PRKDC: variants seen among roughly 807,000 people sequenced by gnomAD.
The protein encoded by PRKDC is protein kinase, DNA-activated, catalytic subunit, also known as DNA-dependent protein kinase catalytic subunit.
PRKDC carries 82 observed loss-of-function variants against 486.9 expected under a neutral mutation model. The observed-to-expected ratio is 0.17, with a 90% CI of 0.14 to 0.20. The LOEUF is 0.20. Among genes scored for constraint, PRKDC ranks in the 10% least tolerant of loss-of-function variants. PRKDC has a pLI of 1.00. For missense variants in PRKDC, 4,504 were observed against 5,038.2 expected (o/e 0.89, Z 3.21); for synonymous variants, 1,895 against 1,837.0 (o/e 1.03, Z -0.81).
Position 47,800,804 on chromosome 8 carries a change from C to T in PRKDC, c.10105G>A (p.Asp3369Asn), listed in dbSNP as rs2087091066. ...ILELSGSSSE[D>N]SEKVIAGLYQ... ...TCCTCCAGTATTACCTTCTCTGAATCCTCTGAACTGGATCCAGAAAGCTCT... is the reference window on the plus strand; with the variant it reads ...TCCTCCAGTATTACCTTCTCTGAATTCTCTGAACTGGATCCAGAAAGCTCT... The change falls in exon 71 of 86, where the codon GAT (aspartate) becomes AAT (asparagine). Residue 3369 changes from aspartate to asparagine, a missense_variant. This residue lies in a region of PRKDC where 1,592 missense variants were observed against 1,724.6 expected (regional missense o/e 0.92). Coordinates refer to ENST00000314191, the MANE Select transcript of PRKDC (RefSeq NM_006904.7). 1.9e-6 allele frequency: 3 copies of T among 1,608,918 alleles called. No individual in the cohort carries two copies. Among genetic ancestry groups the T allele is most frequent in the Non-Finnish European group, 8.5e-7 (1 of 1,177,536 alleles).
rs185610094 is a variant in PRKDC at position 47,805,740 on chromosome 8, T to C, written c.9747+1397A>G. ...TTCAAAAGACATTTTCATCAGACTT[T>C]GGTCTTCCTAATTACTGCCATTTCA... On this transcript the variant is annotated intron_variant, in intron 69 of 85. Coordinates refer to ENST00000314191, the MANE Select transcript of PRKDC (RefSeq NM_006904.7). Among the ~76,000 whole-genome samples, 51 of 152,334 alleles carry C rather than the reference T, an allele frequency of 3.3e-4. No individual in the cohort carries two copies. The East Asian group carries it at 9.5e-3, about 28-fold the overall frequency.
intron 66 of PRKDC, among the ~76,000 whole-genome samples, chr8:47,820,268 C>T (rs1345681496): frequency 6.6e-6 from 1 of 151,806 alleles, no homozygotes; most frequent in Non-Finnish European, 1.5e-5. Flanking sequence ...CTAAAATTAG[C>T]CGAGGGCCTG....
chr8:47,918,649 C>A (rs930855585), intron 21 of PRKDC, among the ~76,000 whole-genome samples: 1 of 152,178 alleles, frequency 6.6e-6, no homozygotes, highest in South Asian at 2.1e-4. Flanking sequence ...GTGGCTCCCA[C>A]GCATCACACT....
intron 76 of PRKDC, 53 bp from the exon 77 acceptor site, chr8:47,785,370 A>G: frequency 8.2e-6 from 11 of 1,348,844 alleles, no homozygotes; most frequent in Non-Finnish European, 1.1e-5. Flanking sequence ...TGGACTTTGG[A>G]AAAGGCTCTA....
intron 85 of PRKDC, among the ~76,000 whole-genome samples, chr8:47,775,293 C>G (rs375267463): frequency 1.3e-4 from 19 of 150,994 alleles, no homozygotes; most frequent in African/African-American, 4.4e-4. Context: ...TGACGTTGAG[C>G]ATTTTTGCAT....
intron 50 of PRKDC, among the ~76,000 whole-genome samples, chr8:47,854,997 G>A (rs2088500558): frequency 6.6e-6 from 1 of 152,178 alleles, no homozygotes; most frequent in African/African-American, 2.4e-5. Context: ...CCCCTCCCCA[G>A]CGTGGGGACA....
chr8:47,923,244 T>C (rs2090102542), intron 21 of PRKDC, among the ~76,000 whole-genome samples: 1 of 152,002 alleles, frequency 6.6e-6, no homozygotes, highest in Non-Finnish European at 1.5e-5. Flanking sequence ...TTTTTCTTTT[T>C]AGTAGAGACA....
chr8:47,896,618 G>C lies in PRKDC; in HGVS notation c.3598+543C>G, dbSNP rs537654027. ...GCTGAGATAGCGCCACTGCAGTCCAGCCTGGGCAAAAGAGCGAGACTCCGT... is the reference window on the plus strand; with the variant it reads ...GCTGAGATAGCGCCACTGCAGTCCACCCTGGGCAAAAGAGCGAGACTCCGT... On this transcript the variant is annotated intron_variant, in intron 30 of 85. Transcript: ENST00000314191. 1.3e-3 allele frequency among the ~76,000 whole-genome samples: 186 copies of C among 148,306 alleles called. 1 individual carries two copies. Among genetic ancestry groups the C allele is most frequent in the Non-Finnish European group, 2.0e-3 (132 of 67,588 alleles).
Position 47,773,534 on chromosome 8 carries a change from CTAAA to C in PRKDC, c.*635_*638del, listed in dbSNP as rs1182978396. ...TGCTATGACCAAAATTTTTGCCCTC[CTAAA>C]TAAAGACGTTTCCTTCTAGAGAGCA... On this transcript the variant is annotated 3_prime_UTR_variant, in exon 86 of 86. Transcript: ENST00000314191. 3 of 219,944 alleles carry C rather than the reference CTAAA, an allele frequency of 1.4e-5. No individual in the cohort carries two copies. Among genetic ancestry groups the C allele is most frequent in the Admixed American group, 5.8e-5 (1 of 17,310 alleles). 13.6% of individuals were successfully genotyped at this position (219,944 alleles called of 1,614,324 possible).
At chr8:47,957,503 G>A (rs1563825048) in intron 1 of PRKDC, 72 bp from the exon 2 acceptor site, 1 of 1,237,138 alleles carries the variant, frequency 8.1e-7, no homozygotes, top group Non-Finnish European at 1.1e-6. Flanking sequence ...TAAAGGGGTT[G>A]CAATGATTTT....
In PRKDC at chr8:47,888,560, C is replaced by T. The variant is rs761154232; in HGVS notation, c.4371G>A (p.Gln1457=). 1.3e-6 allele frequency: 2 copies of T among 1,582,948 alleles called. No homozygotes were observed. Among genetic ancestry groups the T allele is most frequent in the Admixed American group, 3.6e-5 (2 of 55,364 alleles). The change falls in exon 34 of 86, where the codon CAG becomes CAA. Residue 1457 remains glutamine, a synonymous_variant. Transcript: ENST00000314191. ...RLAAVVSACK[Q]LHRAGLLHNI... ...TATGCAGAAGCCCAGCTCTGTGAAG[C>T]TGTTTACAGGCAGACACAACAGCAG...
chr8:47,896,363 C>A (rs1204920769), intron 30 of PRKDC, among the ~76,000 whole-genome samples: 1 of 152,036 alleles, frequency 6.6e-6, no homozygotes, highest in Non-Finnish European at 1.5e-5. Context: ...GAACTCCACC[C>A]CAGGCCAGGT....
At chr8:47,861,483 G>A (rs902342764) in intron 44 of PRKDC, among the ~76,000 whole-genome samples, 3 of 152,220 alleles carry the variant, frequency 2.0e-5, no homozygotes, top group Admixed American at 6.5e-5. Context: ...CACATGTAGT[G>A]GTGAAGCACT....
chr8:47,869,328 G>A (rs1399131125), intron 40 of PRKDC, among the ~76,000 whole-genome samples: 2 of 151,546 alleles, frequency 1.3e-5, no homozygotes, highest in South Asian at 2.1e-4. Flanking sequence ...TGGGATACCA[G>A]CTCAGCCACA....
intron 66 of PRKDC, among the ~76,000 whole-genome samples, chr8:47,819,812 A>T (rs2087543646): frequency 6.6e-6 from 1 of 152,352 alleles, no homozygotes; most frequent in Non-Finnish European, 1.5e-5. Flanking sequence ...TATAATGTAA[A>T]ACTGCTGACT....
chr8:47,941,316 G>A (rs2090441686), intron 10 of PRKDC, among the ~76,000 whole-genome samples: 1 of 151,944 alleles, frequency 6.6e-6, no homozygotes, highest in Admixed American at 6.6e-5. Flanking sequence ...GAAAGAGGGT[G>A]CCTCTCCTTG....
rs2086721074 is a variant in PRKDC at position 47,782,847 on chromosome 8, C to CA, written c.11176-250dup. ...TGTGGATATCTTTAGCAAGCAGCAA[C>CA]AGCCAACATGCAAACTTTCTACAGT... is the stretch of plus-strand genomic sequence containing the variant. On this transcript the variant is annotated intron_variant, in intron 78 of 85. Transcript: ENST00000314191. This position sits in a 1 kb window ranked among gnomAD's most constrained non-coding sequence, Gnocchi z 4.9. 1.8e-6 allele frequency: 1 copy of CA among 555,592 alleles called. No individual in the cohort carries two copies. Among genetic ancestry groups the CA allele is most frequent in the Non-Finnish European group, 3.2e-6 (1 of 310,264 alleles). 34.4% of individuals were successfully genotyped at this position (555,592 alleles called of 1,614,324 possible).
intron 7 of PRKDC, 48 bp downstream of exon 7, chr8:47,953,572 A>G (rs1275488983): frequency 6.7e-7 from 1 of 1,490,198 alleles, no homozygotes; most frequent in East Asian, 2.3e-5. Context: ...ATTGCTGGTT[A>G]GACTTACAGT....
chr8:47,865,450 T>C (rs1345410448), intron 40 of PRKDC, among the ~76,000 whole-genome samples: 2 of 152,132 alleles, frequency 1.3e-5, no homozygotes, highest in East Asian at 1.9e-4. Flanking sequence ...TGAACCACCA[T>C]TGCTATTTCC....
Sources: gnomAD v4.1 joint callset for allele counts (sites outside exome capture counted in the v4.1 genomes callset) on GRCh38, gnomAD v4.1.1 for gene constraint, gnomAD v4.1.1 regional missense constraint, Gnocchi (gnomAD v3.1) non-coding constraint, MANE v1.5 for transcripts, NCBI Gene and HGNC (gene_info 2026-07-23, HGNC 2026-07-21) for gene names.